Variants in YARS1 observed in about 807,000 individuals in gnomAD.
YARS1 encodes the protein tyrosine--tRNA ligase, cytoplasmic.
Under a neutral mutation model 62.2 loss-of-function variants are expected in YARS1, and 36 were observed. The observed-to-expected ratio is 0.58, with a 90% CI of 0.44 to 0.76. The LOEUF (loss-of-function observed/expected upper bound fraction) is 0.76. Ranked by LOEUF, YARS1 falls within the 30% of genes least tolerant of loss-of-function variation. The pLI, the probability that YARS1 is intolerant of heterozygous loss-of-function variation, is 0.00. For missense variants in YARS1, 524 were observed against 639.8 expected, an observed-to-expected ratio of 0.82 and a Z score of 1.95; for synonymous variants, 234 against 244.9, an observed-to-expected ratio of 0.96 and a Z score of 0.42.
intron 1 of YARS1, among the ~76,000 whole-genome samples, chr1:32,813,741 C>T (rs1304255836): frequency 1.3e-5 from 2 of 152,152 alleles, no homozygotes; most frequent in Non-Finnish European, 2.9e-5. Flanking sequence ...ATTTTAATTC[C>T]ATACTACATC....
At chr1:32,811,613 C>T (rs1186533340) in intron 1 of YARS1, 1 of 164,790 alleles carries the variant, frequency 6.1e-6, no homozygotes, top group African/African-American at 2.4e-5. Context: ...GCTCCTCCTC[C>T]CCTTTCTAAA....
In YARS1 at chr1:32,776,093, T is replaced by C; in HGVS notation, c.1477-2A>G. On this transcript the variant is annotated splice_acceptor_variant, in intron 12 of 12. Transcript: ENST00000373477. LOFTEE classifies it high-confidence loss of function. The surrounding 1 kb of genome is among the most constrained non-coding windows in gnomAD (Gnocchi z 4.0). ...CTCCTCAGAAATTTTGAAGTCAGCC[T>C]GGACAAGACAGATAAGAGAGATTTT... The C allele has an allele frequency of 1.9e-6, 3 of 1,612,044 alleles. No homozygotes were observed. The highest frequency in any genetic ancestry group is 2.5e-6 in the Non-Finnish European group (3 of 1,178,350).
intron 1 of YARS1, 94 bp downstream of exon 1, chr1:32,817,094 G>C: frequency 6.6e-7 from 1 of 1,512,028 alleles, no homozygotes; most frequent in South Asian, 1.1e-5. Flanking sequence ...CGAGTCCCCG[G>C]CCCCACATAC....
intron 1 of YARS1, among the ~76,000 whole-genome samples, chr1:32,815,476 C>T (rs182733002): frequency 6.6e-6 from 1 of 152,226 alleles, no homozygotes; most frequent in African/African-American, 2.4e-5. Context: ...CTAGGGGAAG[C>T]GTGCAAAAAC....
intron 1 of YARS1, 183 bp downstream of exon 1, chr1:32,817,005 G>T: frequency 1.4e-6 from 1 of 739,842 alleles, no homozygotes; most frequent in East Asian, 2.6e-5. Flanking sequence ...TGATTTCTGG[G>T]GAACCCAGGG....
intron 6 of YARS1, among the ~76,000 whole-genome samples, chr1:32,788,684 G>A (rs1205573484): frequency 6.6e-6 from 1 of 152,102 alleles, no homozygotes; most frequent in African/African-American, 2.4e-5. Context: ...ACCCGCCTTG[G>A]CCTCCCAAAG....
In YARS1 at chr1:32,780,066, A is replaced by C; in HGVS notation, c.1334+19T>G. 1 of 1,613,564 alleles carries C rather than the reference A, an allele frequency of 6.2e-7. No homozygotes were observed. The highest frequency in any genetic ancestry group is 1.3e-5 in the African/African-American group (1 of 74,844). On this transcript the variant is annotated intron_variant, in intron 11 of 12. Coordinates refer to ENST00000373477, the MANE Select transcript of YARS1 (RefSeq NM_003680.4). ...CTGGCCTCCCCAGGTCCTGTGCCCCACTCCAAGTCCTCACTCACATAGAAG... is the reference window on the plus strand; with the variant it reads ...CTGGCCTCCCCAGGTCCTGTGCCCCCCTCCAAGTCCTCACTCACATAGAAG...
At chr1:32,783,587 G>A (rs1423611201) in intron 8 of YARS1, 1 of 152,224 alleles carries the variant, frequency 6.6e-6, no homozygotes, top group Non-Finnish European at 1.5e-5. Flanking sequence ...GGGATTACAG[G>A]TGTGAGCCAC....
chr1:32,777,568 G>A (rs1275385373), intron 12 of YARS1, among the ~76,000 whole-genome samples: 2 of 152,182 alleles, frequency 1.3e-5, no homozygotes, highest in African/African-American at 4.8e-5. Context: ...CTGAGATTGT[G>A]CCACTGCACT....
At chr1:32,798,885 G>A (rs1653689567) in intron 4 of YARS1, among the ~76,000 whole-genome samples, 1 of 152,058 alleles carries the variant, frequency 6.6e-6, no homozygotes, top group Admixed American at 6.6e-5. Context: ...GACATGCCAG[G>A]CCTGCTGCCA....
At chr1:32,779,827 T>C in intron 11 of YARS1, 1 of 609,518 alleles carries the variant, frequency 1.6e-6, no homozygotes, top group East Asian at 2.8e-5. Context: ...CCTGCTCCAC[T>C]CCTTACTAGT....
At chr1:32,799,804 TTC>T (rs1653718216) in intron 4 of YARS1, among the ~76,000 whole-genome samples, 1 of 152,156 alleles carries the variant, frequency 6.6e-6, no homozygotes, top group South Asian at 2.1e-4. Flanking sequence ...AGTTTTTTCT[TTC>T]TTTCTTTTTT....
At chr1:32,793,227 G>A (rs1236873882) in intron 5 of YARS1, among the ~76,000 whole-genome samples, 3 of 152,182 alleles carry the variant, frequency 2.0e-5, no homozygotes, top group South Asian at 2.1e-4. Flanking sequence ...GAGAATAAGA[G>A]AGAAGCAGTA....
At position 32,776,390 on chromosome 1, in the gene YARS1, G is replaced by A. The variant is rs907949671; in HGVS notation, c.1477-299C>T. Among the ~76,000 whole-genome samples the A allele has an allele frequency of 2.6e-5, 4 of 152,018 alleles. No homozygotes were observed. Among genetic ancestry groups the A allele is most frequent in the Admixed American group, 6.6e-5 (1 of 15,256 alleles). Reference sequence around the variant, plus strand: ...TTGAACTCCTGACCTCAAGTGATCCGCCTGCCTCGGCCTCCCAAAGTGTTG... The same window carrying A: ...TTGAACTCCTGACCTCAAGTGATCCACCTGCCTCGGCCTCCCAAAGTGTTG... On this transcript the variant is annotated intron_variant, in intron 12 of 12. Coordinates refer to ENST00000373477, the MANE Select transcript of YARS1 (RefSeq NM_003680.4). The surrounding 1 kb of genome is among the most constrained non-coding windows in gnomAD (Gnocchi z 4.0).
chr1:32,779,944 G>T, intron 11 of YARS1, 141 bp downstream of exon 11: 1 of 925,392 alleles, frequency 1.1e-6, no homozygotes, highest in Non-Finnish European at 1.7e-6. Context: ...AGTCCTTCAT[G>T]CATCAACTTT....
rs907395067 is a variant in YARS1, at chr1:32,781,066, T to A, written c.1122A>T (p.Lys374Asn). ...IPSRLDIRVG[K>N]IITVEKHPDA... ...TGAGTACCTTCTCCACAGTGATGAT[T>A]TTCCCCACACGGATATCCAGCCGGG... The change falls in exon 10 of 13, where the codon AAA (lysine) becomes AAT (asparagine). Residue 374 changes from lysine (K) to asparagine (N), a missense_variant. Lys to Asn is a moderately conservative substitution (Grantham distance 94). Transcript: ENST00000373477. 4.3e-6 allele frequency: 7 copies of A among 1,614,198 alleles called. No homozygotes were observed. The highest frequency in any genetic ancestry group is 5.1e-6 in the Non-Finnish European group (6 of 1,180,030).
At chr1:32,779,652 C>T in intron 11 of YARS1, 129 bp from the exon 12 acceptor site, 2 of 1,212,364 alleles carry the variant, frequency 1.6e-6, no homozygotes, top group Non-Finnish European at 2.4e-6. Context: ...ACCAGAGCCC[C>T]AGGAGGTCCT....
intron 6 of YARS1, among the ~76,000 whole-genome samples, chr1:32,787,417 C>T (rs1243526680): frequency 6.6e-6 from 1 of 152,128 alleles, no homozygotes; most frequent in African/African-American, 2.4e-5. Context: ...GTGTGAGCCA[C>T]TGTGCCTCGC....
intron 4 of YARS1, among the ~76,000 whole-genome samples, chr1:32,799,603 C>T (rs144337198): frequency 2.0e-5 from 3 of 152,198 alleles, no homozygotes; most frequent in African/African-American, 7.2e-5. Flanking sequence ...CAAGCAGGAA[C>T]AGTCTAGAAC....
Sources: gnomAD v4.1 joint callset for allele counts (sites outside exome capture counted in the v4.1 genomes callset) on GRCh38, gnomAD v4.1.1 for gene constraint, Gnocchi (gnomAD v3.1) non-coding constraint, MANE v1.5 for transcripts, NCBI Gene and HGNC (gene_info 2026-07-23, HGNC 2026-07-21) for gene names.